The following SH3RF3 variants were observed in gnomAD, a reference collection of about 807,000 sequenced individuals.
The protein encoded by SH3RF3 is E3 ubiquitin-protein ligase SH3RF3.
In SH3RF3, 29 loss-of-function variants were observed where a neutral mutation model predicts 66.3. The ratio of observed to expected loss-of-function variants is 0.44; its 90% confidence interval spans 0.33 to 0.60. The LOEUF (loss-of-function observed/expected upper bound fraction) is 0.60, where lower values mean the gene tolerates loss of function less well. SH3RF3 is among the 20% of genes least tolerant of loss of function. The pLI, the probability that SH3RF3 is intolerant of heterozygous loss-of-function variation, is 0.04. For missense variants in SH3RF3, 1,194 were observed against 1,190.9 expected (o/e 1.00, Z -0.04); for synonymous variants, 583 against 532.0 (o/e 1.10, Z -1.32).
intron 8 of SH3RF3, among the ~76,000 whole-genome samples, chr2:109,454,917 G>A (rs1290888377): frequency 6.6e-6 from 1 of 151,440 alleles, no homozygotes; most frequent in Non-Finnish European, 1.5e-5. Context: ...ATTCTTTATG[G>A]GCCAGAAAAA....
intron 1 of SH3RF3, among the ~76,000 whole-genome samples, chr2:109,324,643 G>A (rs1438053894): frequency 2.6e-5 from 4 of 152,008 alleles, no homozygotes; most frequent in Non-Finnish European, 4.4e-5. Flanking sequence ...TGAAGAAGGC[G>A]AAGTTGATCC....
intron 3 of SH3RF3, among the ~76,000 whole-genome samples, chr2:109,385,595 C>T (rs951687889): frequency 2.0e-5 from 3 of 152,228 alleles, no homozygotes; most frequent in African/African-American, 7.2e-5. Context: ...AAATAATCAG[C>T]GCTTTTGGGA....
intron 1 of SH3RF3, among the ~76,000 whole-genome samples, chr2:109,249,682 G>A (rs536412906): frequency 1.5e-4 from 22 of 143,976 alleles, no homozygotes; most frequent in African/African-American, 6.0e-4. Context: ...GAGTCTTGCT[G>A]TGTCATCAAG....
intron 8 of SH3RF3, among the ~76,000 whole-genome samples, chr2:109,462,046 G>A (rs1258407197): frequency 2.0e-5 from 3 of 151,840 alleles, no homozygotes; most frequent in African/African-American, 7.3e-5. Context: ...TTTCACTGAG[G>A]TAGAAGGCCT....
chr2:109,140,823 C>A (rs1676930780), intron 1 of SH3RF3, among the ~76,000 whole-genome samples: 6 of 152,208 alleles, frequency 3.9e-5, no homozygotes, highest in Admixed American at 3.9e-4. Flanking sequence ...CCAAACTAAT[C>A]AGTGCCCCAT....
intron 1 of SH3RF3, among the ~76,000 whole-genome samples, chr2:109,340,907 G>GA (rs34864178): frequency 2.7e-5 from 4 of 150,384 alleles, no homozygotes; most frequent in African/African-American, 7.3e-5. Context: ...AAAAAAGGAA[G>GA]AAAAAAAAAA....
At chr2:109,364,301 T>C (rs1051203896) in intron 2 of SH3RF3, among the ~76,000 whole-genome samples, 3 of 152,234 alleles carry the variant, frequency 2.0e-5, no homozygotes, top group African/African-American at 7.2e-5. Flanking sequence ...TCATTTCTGC[T>C]ACAGGGTTTT....
At chr2:109,220,061 A>T (rs1252597215) in intron 1 of SH3RF3, among the ~76,000 whole-genome samples, 2 of 152,250 alleles carry the variant, frequency 1.3e-5, no homozygotes, top group African/African-American at 4.8e-5. Flanking sequence ...CTATGTTATT[A>T]GCATAAGGGA....
rs1427424936 is a variant in SH3RF3 at position 109,338,021 on chromosome 2, C to T, written c.574-9653C>T. 1.1e-4 allele frequency among the ~76,000 whole-genome samples: 17 copies of T among 152,080 alleles called. 1 individual carries two copies. Among genetic ancestry groups the T allele is most frequent in the East Asian group, 3.9e-4 (2 of 5,186 alleles). ...TGTTGGGATTACAGGCGTGAGCCAC[C>T]GCGCCCAGGCTCCTTCTGTTTTTGA... On this transcript the variant is annotated intron_variant, in intron 1 of 9. Transcript: ENST00000309415.
intron 1 of SH3RF3, among the ~76,000 whole-genome samples, chr2:109,175,963 G>A (rs796617456): frequency 5.9e-5 from 9 of 152,264 alleles, no homozygotes; most frequent in African/African-American, 2.2e-4. Context: ...CACTTGTGCT[G>A]AAGCAGATCA....
intron 1 of SH3RF3, among the ~76,000 whole-genome samples, chr2:109,311,960 A>C (rs1681736364): frequency 6.6e-6 from 1 of 152,172 alleles, no homozygotes; most frequent in African/African-American, 2.4e-5. Context: ...GATGTCTTCC[A>C]TGAGTCGTGG....
At chr2:109,196,801 G>C (rs776482558) in intron 1 of SH3RF3, among the ~76,000 whole-genome samples, 1 of 152,150 alleles carries the variant, frequency 6.6e-6, no homozygotes, top group Non-Finnish European at 1.5e-5. Flanking sequence ...AATAGCATAC[G>C]GTCTGACTGC....
At chr2:109,320,571 TCCC>T (rs1259883375) in intron 1 of SH3RF3, among the ~76,000 whole-genome samples, 1 of 152,220 alleles carries the variant, frequency 6.6e-6, no homozygotes, top group African/African-American at 2.4e-5. Flanking sequence ...TTTAGGCCTC[TCCC>T]CACCTAATCA....
chr2:109,482,338 G>T (rs1029463282), intron 8 of SH3RF3, among the ~76,000 whole-genome samples: 1 of 152,176 alleles, frequency 6.6e-6, no homozygotes, highest in African/African-American at 2.4e-5. Flanking sequence ...CATGAGGGAA[G>T]TGGGGCTAAG....
At chr2:109,246,826 C>T (rs1679929140) in intron 1 of SH3RF3, among the ~76,000 whole-genome samples, 1 of 152,154 alleles carries the variant, frequency 6.6e-6, no homozygotes, top group Admixed American at 6.5e-5. Context: ...AGCTCATCCA[C>T]GTGCTTCTGT....
intron 1 of SH3RF3, among the ~76,000 whole-genome samples, chr2:109,291,352 C>G (rs1681174196): frequency 6.7e-6 from 1 of 149,726 alleles, no homozygotes; most frequent in African/African-American, 2.5e-5. Context: ...GCAGCTGCCT[C>G]TATTGCTTTT....
At chr2:109,427,813 C>T (rs1188289475) in intron 5 of SH3RF3, among the ~76,000 whole-genome samples, 2 of 152,276 alleles carry the variant, frequency 1.3e-5, no homozygotes, top group Non-Finnish European at 2.9e-5. Context: ...TTTCTGCTGG[C>T]TGGGCTGAGC....
rs375930365 is a variant in SH3RF3 at position 109,324,320 on chromosome 2, G to A, written c.574-23354G>A. ...GGTTTCCACTGCTCTAGGAGTAGGGGTACTGGGTCGCATGGTAACTCTCTT... is the reference window on the plus strand; with the variant it reads ...GGTTTCCACTGCTCTAGGAGTAGGGATACTGGGTCGCATGGTAACTCTCTT... On this transcript the variant is annotated intron_variant, in intron 1 of 9. Transcript: ENST00000309415. 4.6e-5 allele frequency among the ~76,000 whole-genome samples: 7 copies of A among 152,152 alleles called. No individual in the cohort carries two copies. The East Asian group carries it at 1.3e-3, about 29-fold the overall frequency.
At chr2:109,420,879 T>A (rs1676859519) in intron 5 of SH3RF3, among the ~76,000 whole-genome samples, 1 of 152,174 alleles carries the variant, frequency 6.6e-6, no homozygotes, top group African/African-American at 2.4e-5. Flanking sequence ...CTTTCTTAAG[T>A]GGTGGGCAGG....
Sources: gnomAD v4.1 joint callset for allele counts (sites outside exome capture counted in the v4.1 genomes callset) on GRCh38, gnomAD v4.1.1 for gene constraint, MANE v1.5 for transcripts, NCBI Gene and HGNC (gene_info 2026-07-23, HGNC 2026-07-21) for gene names.